The following CCDC178 variants were observed in gnomAD, a reference collection of about 807,000 sequenced individuals.
CCDC178 encodes coiled-coil domain containing 178.
CCDC178 carries 126 observed loss-of-function variants against 117.4 expected under a neutral mutation model. The observed-to-expected ratio is 1.07, with a 90% CI of 0.93 to 1.24. CCDC178 has a LOEUF of 1.24. CCDC178 is among the 50% of genes most tolerant of loss of function. The pLI, the probability that CCDC178 is intolerant of heterozygous loss-of-function variation, is 0.00. For missense variants in CCDC178, 1,030 were observed against 986.9 expected (o/e 1.04, Z -0.59); for synonymous variants, 283 against 313.4 (o/e 0.90, Z 1.02).
chr18:33,237,674 T>C (rs2059441444), intron 15 of CCDC178, among the ~76,000 whole-genome samples: 1 of 150,320 alleles, frequency 6.7e-6, no homozygotes, highest in African/African-American at 2.5e-5. Flanking sequence ...GAGGAAACCA[T>C]ATGGCCATGT....
At chr18:32,994,574 T>C (rs1356493061) in intron 21 of CCDC178, among the ~76,000 whole-genome samples, 1 of 152,170 alleles carries the variant, frequency 6.6e-6, no homozygotes, top group Non-Finnish European at 1.5e-5. Flanking sequence ...AAAGGGAAAA[T>C]AGAAGTTGAC....
chr18:33,390,058 T>A (rs2063546051), intron 4 of CCDC178, among the ~76,000 whole-genome samples: 1 of 149,350 alleles, frequency 6.7e-6, no homozygotes, highest in Admixed American at 6.7e-5. Flanking sequence ...TGTTAACTAT[T>A]GATATGTAGG....
intron 20 of CCDC178, among the ~76,000 whole-genome samples, chr18:33,185,999 T>C (rs2058789254): frequency 6.6e-6 from 1 of 152,100 alleles, no homozygotes; most frequent in South Asian, 2.1e-4. Flanking sequence ...ACAGAGTTCA[T>C]CTTTCATCTG....
chr18:33,234,327 T>G (rs1189619678), intron 15 of CCDC178, among the ~76,000 whole-genome samples: 1 of 152,106 alleles, frequency 6.6e-6, no homozygotes, highest in Non-Finnish European at 1.5e-5. Context: ...TTCCCAATAT[T>G]ATGATTAATA....
At chr18:33,312,894 G>C (rs4502299) in intron 11 of CCDC178, among the ~76,000 whole-genome samples, 1,788 of 152,250 alleles carry the variant, frequency 0.012, 108 homozygotes, top group Admixed American at 0.1. Context: ...CAACCACTTA[G>C]GGGTGACAAA....
intron 14 of CCDC178, among the ~76,000 whole-genome samples, chr18:33,256,816 C>T (rs183443162): frequency 2.6e-5 from 4 of 152,002 alleles, no homozygotes; most frequent in Non-Finnish European, 1.5e-5. Flanking sequence ...TTAATAGAAT[C>T]TTCAGTAGAA....
At chr18:33,023,617 G>T (rs1436873637) in intron 21 of CCDC178, among the ~76,000 whole-genome samples, 2 of 152,050 alleles carry the variant, frequency 1.3e-5, no homozygotes, top group Non-Finnish European at 2.9e-5. Context: ...TATATTAGAA[G>T]AAATGAAAGC....
At chr18:33,061,810 G>A (rs2056926468) in intron 21 of CCDC178, among the ~76,000 whole-genome samples, 1 of 152,098 alleles carries the variant, frequency 6.6e-6, no homozygotes, top group African/African-American at 2.4e-5. Context: ...GCAGTGGCAA[G>A]ATTTGGCATG....
chr18:33,415,761 C>T (rs747240604), intron 2 of CCDC178, among the ~76,000 whole-genome samples: 1 of 152,082 alleles, frequency 6.6e-6, no homozygotes, highest in Admixed American at 6.5e-5. Context: ...CTGACCTCTA[C>T]TTTTGGGAAG....
intron 21 of CCDC178, among the ~76,000 whole-genome samples, chr18:33,022,460 T>C (rs771196584): frequency 2.6e-5 from 4 of 152,196 alleles, no homozygotes; most frequent in Non-Finnish European, 5.9e-5. Context: ...ACAATTATAT[T>C]ACACATGGAG....
chr18:33,275,991 G>A (rs1282733968), intron 12 of CCDC178, among the ~76,000 whole-genome samples: 1 of 150,286 alleles, frequency 6.7e-6, no homozygotes, highest in African/African-American at 2.4e-5. Context: ...AATGTAAACT[G>A]GGCAATAGAG....
chr18:33,402,603 A>G (rs1401149409), intron 3 of CCDC178, among the ~76,000 whole-genome samples: 1 of 152,256 alleles, frequency 6.6e-6, no homozygotes, highest in Non-Finnish European at 1.5e-5. Flanking sequence ...GATTTAAAGG[A>G]ATTAGCATCT....
At chr18:33,101,045 G>A (rs2057619051) in intron 20 of CCDC178, among the ~76,000 whole-genome samples, 1 of 151,668 alleles carries the variant, frequency 6.6e-6, no homozygotes, top group Non-Finnish European at 1.5e-5. Context: ...CACAATTTTT[G>A]TCCTCAGTAA....
chr18:33,397,762 G>A (rs1473765559), intron 3 of CCDC178, among the ~76,000 whole-genome samples: 1 of 152,022 alleles, frequency 6.6e-6, no homozygotes, highest in Non-Finnish European at 1.5e-5. Flanking sequence ...AATACAGCAT[G>A]ATTTTTATAA....
chr18:33,043,792 T>C lies in CCDC178; in HGVS notation c.2388+48969A>G, dbSNP rs375196913. Among the ~76,000 whole-genome samples the C allele has an allele frequency of 2.6e-5, 4 of 152,004 alleles. No homozygotes were observed. The East Asian group carries it at 7.7e-4, about 29-fold the overall frequency. ...ATGCTCAGATTTTCTAGCAATTATA[T>C]GTAAATGATTTTTTAAAAGCAAATT... On this transcript the variant is annotated intron_variant, in intron 21 of 22. Coordinates refer to ENST00000383096, the MANE Select transcript of CCDC178 (RefSeq NM_001105528.4).
chr18:33,171,974 G>A (rs550750590), intron 20 of CCDC178, among the ~76,000 whole-genome samples: 6 of 152,182 alleles, frequency 3.9e-5, no homozygotes, highest in African/African-American at 1.2e-4. Flanking sequence ...GCAGTGGCAC[G>A]AACTCGGCTT....
chr18:33,162,488 A>G (rs1469652211), intron 20 of CCDC178, among the ~76,000 whole-genome samples: 2 of 152,162 alleles, frequency 1.3e-5, no homozygotes, highest in African/African-American at 4.8e-5. Flanking sequence ...TTATACAGGT[A>G]AACTCATGTC....
At chr18:33,402,978 T>C (rs1265383584) in intron 3 of CCDC178, among the ~76,000 whole-genome samples, 2 of 152,242 alleles carry the variant, frequency 1.3e-5, no homozygotes, top group African/African-American at 4.8e-5. Flanking sequence ...TGCAGGTTAC[T>C]GTGATGCACA....
intron 2 of CCDC178, among the ~76,000 whole-genome samples, chr18:33,427,505 A>C (rs991968539): frequency 4.6e-5 from 7 of 152,134 alleles, no homozygotes; most frequent in African/African-American, 9.7e-5. Context: ...TAAATCTTTA[A>C]ACTCTGTAAC....
Sources: allele counts gnomAD v4.1 joint callset (sites outside exome capture counted in the v4.1 genomes callset), GRCh38; gene constraint gnomAD v4.1.1; transcripts MANE v1.5; gene names NCBI Gene and HGNC (gene_info 2026-07-23, HGNC 2026-07-21).